ZNF609: variants seen among roughly 807,000 people sequenced by gnomAD.
ZNF609 encodes zinc finger protein 609.
A neutral mutation model predicts 109.5 loss-of-function variants in ZNF609; 11 were observed. The ratio of observed to expected loss-of-function variants is 0.10; its 90% confidence interval spans 0.06 to 0.17. The LOEUF (loss-of-function observed/expected upper bound fraction) is 0.17. ZNF609 is among the 10% of genes least tolerant of loss of function. The pLI, the probability that ZNF609 is intolerant of heterozygous loss-of-function variation, is 1.00. For missense variants in ZNF609, 1,559 were observed against 1,772.4 expected (o/e 0.88, Z 2.16); for synonymous variants, 646 against 662.0 (o/e 0.98, Z 0.37).
At chr15:64,673,755 G>A (rs1431517565) in intron 4 of ZNF609, among the ~76,000 whole-genome samples, 161 bp from the exon 5 acceptor site, 3 of 152,198 alleles carry the variant, frequency 2.0e-5, no homozygotes, top group African/African-American at 7.2e-5. Flanking sequence ...TATCCCAGGA[G>A]TTCACCATTT....
At chr15:64,671,209 CAAAAAAAAAAA>C (rs946787824) in intron 4 of ZNF609, 1 of 47,186 alleles carries the variant, frequency 2.1e-5, no homozygotes, top group Non-Finnish European at 4.5e-5. Flanking sequence ...GACTCCGTCT[CAAAAAAAAAAA>C]AAAAAAAAAA....
At chr15:64,514,949 T>A (rs919860099) in intron 2 of ZNF609, among the ~76,000 whole-genome samples, 3 of 152,186 alleles carry the variant, frequency 2.0e-5, no homozygotes, top group Non-Finnish European at 2.9e-5. Flanking sequence ...TTTTTTAAAA[T>A]TTTTTAATCC....
intron 3 of ZNF609, chr15:64,631,562 C>T (rs1288072525): frequency 9.6e-6 from 5 of 520,872 alleles, no homozygotes; most frequent in South Asian, 1.7e-5. Context: ...GACGGAGTTT[C>T]GCTCTTGTTG....
Position 64,662,544 on chromosome 15 carries a change from C to T in ZNF609, c.974-7802C>T, listed in dbSNP as rs565758868. Among the ~76,000 whole-genome samples the T allele has an allele frequency of 7.2e-5, 11 of 152,266 alleles. No individual in the cohort carries two copies. The East Asian group carries it at 1.9e-3, about 27-fold the overall frequency. On this transcript the variant is annotated intron_variant, in intron 3 of 9. Coordinates refer to ENST00000326648, the MANE Select transcript of ZNF609 (RefSeq NM_015042.2). ...CTCACTACATTGCCCAGGCTAGTTT[C>T]GAATTCCTATGCTCAAGCAATCCTC...
intron 2 of ZNF609, among the ~76,000 whole-genome samples, chr15:64,577,213 G>GTA (rs200550648): frequency 0.026 from 1,622 of 63,232 alleles, 351 homozygotes; most frequent in African/African-American, 0.088. Context: ...ACATATATAT[G>GTA]TATATATATA....
In ZNF609 at chr15:64,598,774, A is replaced by C. The variant is rs1276485711; in HGVS notation, c.748-24053A>C. ...TATATATATATATATATATATATAT[A>C]TATATATATATATCCTGTTATCTTC... On this transcript the variant is annotated intron_variant, in intron 2 of 9. Coordinates refer to ENST00000326648, the MANE Select transcript of ZNF609 (RefSeq NM_015042.2). Among the ~76,000 whole-genome samples, 4 of 127,064 alleles carry C rather than the reference A, an allele frequency of 3.1e-5. No individual in the cohort carries two copies. In the East Asian group the frequency reaches 6.2e-4, roughly 20 times the overall value. 83.4% of individuals were successfully genotyped at this position (127,064 alleles called of 152,430 possible).
intron 2 of ZNF609, among the ~76,000 whole-genome samples, chr15:64,544,971 A>G (rs1894331530): frequency 6.6e-6 from 1 of 152,204 alleles, no homozygotes; most frequent in South Asian, 2.1e-4. Context: ...TGGTTTCCCT[A>G]TTATGAGAAA....
intron 3 of ZNF609, among the ~76,000 whole-genome samples, chr15:64,637,971 A>T (rs1157693978): frequency 7.0e-6 from 1 of 143,682 alleles, no homozygotes; most frequent in African/African-American, 2.5e-5. Flanking sequence ...ATATTCTTCT[A>T]TGTTTTTTCT....
intron 2 of ZNF609, among the ~76,000 whole-genome samples, chr15:64,576,935 C>CACAA: frequency 8.3e-6 from 1 of 120,064 alleles, no homozygotes; most frequent in South Asian, 2.5e-4. Flanking sequence ...TGTATATATA[C>CACAA]ATATAAATAT....
chr15:64,570,130 G>C (rs1894838583), intron 2 of ZNF609, among the ~76,000 whole-genome samples: 1 of 152,190 alleles, frequency 6.6e-6, no homozygotes, highest in African/African-American at 2.4e-5. Flanking sequence ...AAAGTGTTGA[G>C]ATTACAGGCG....
At chr15:64,529,635 G>T in intron 2 of ZNF609, 2 of 898,400 alleles carry the variant, frequency 2.2e-6, no homozygotes, top group Non-Finnish European at 3.7e-6. Flanking sequence ...CACCCAGTAC[G>T]ACCAAATCTG....
intron 1 of ZNF609, among the ~76,000 whole-genome samples, chr15:64,492,295 G>A (rs1375732660): frequency 6.6e-6 from 1 of 151,988 alleles, no homozygotes; most frequent in Non-Finnish European, 1.5e-5. Flanking sequence ...TAGCCTAAAA[G>A]GAAAACCCTA....
At chr15:64,607,400 T>C (rs1281378697) in intron 2 of ZNF609, among the ~76,000 whole-genome samples, 4 of 152,164 alleles carry the variant, frequency 2.6e-5, no homozygotes, top group African/African-American at 7.2e-5. Context: ...CACCAACAGA[T>C]TGAATGGAGA....
intron 2 of ZNF609, among the ~76,000 whole-genome samples, chr15:64,594,913 C>T (rs1304375592): frequency 6.8e-6 from 1 of 147,548 alleles, no homozygotes; most frequent in Non-Finnish European, 1.5e-5. Context: ...GTAGTCCCAG[C>T]TACTCGGGAG....
intron 1 of ZNF609, among the ~76,000 whole-genome samples, chr15:64,463,739 T>G (rs1228485040): frequency 1.3e-5 from 2 of 152,242 alleles, no homozygotes; most frequent in Admixed American, 1.3e-4. Context: ...ATATATTTTT[T>G]GATAACAGAA....
intron 1 of ZNF609, among the ~76,000 whole-genome samples, chr15:64,467,569 C>G (rs530963290): frequency 6.6e-6 from 1 of 152,134 alleles, no homozygotes; most frequent in Non-Finnish European, 1.5e-5. Context: ...TGCCTTAGCC[C>G]GGTGCGGTGG....
intron 2 of ZNF609, among the ~76,000 whole-genome samples, chr15:64,519,872 A>G (rs553332367): frequency 3.8e-4 from 58 of 152,306 alleles, no homozygotes; most frequent in Non-Finnish European, 7.8e-4. Flanking sequence ...ACCTCTCCGT[A>G]TCTCATTTTC....
intron 1 of ZNF609, among the ~76,000 whole-genome samples, chr15:64,466,447 T>C (rs1411152069): frequency 1.3e-5 from 2 of 152,288 alleles, no homozygotes; most frequent in Middle Eastern, 3.4e-3. Context: ...TAACGGATGA[T>C]TGAAGAGAAA....
chr15:64,597,077 G>C (rs965907113), intron 2 of ZNF609, among the ~76,000 whole-genome samples: 12 of 152,042 alleles, frequency 7.9e-5, no homozygotes, highest in African/African-American at 2.9e-4. Context: ...GACACTTAAA[G>C]GGTATATCCA....
Sources: gnomAD v4.1 joint callset for allele counts (sites outside exome capture counted in the v4.1 genomes callset) on GRCh38, gnomAD v4.1.1 for gene constraint, MANE v1.5 for transcripts, NCBI Gene and HGNC (gene_info 2026-07-23, HGNC 2026-07-21) for gene names.